ASS1: variants seen among roughly 807,000 people sequenced by gnomAD.
The protein encoded by ASS1 is argininosuccinate synthase 1.
ASS1 carries 58 observed loss-of-function variants against 60.5 expected under a neutral mutation model. The observed-to-expected ratio is 0.96, with a 90% CI of 0.78 to 1.19. ASS1 has a LOEUF of 1.19. Among genes scored for constraint, ASS1 ranks in the 50% most tolerant of loss-of-function variants. The pLI, the probability that ASS1 is intolerant of heterozygous loss-of-function variation, is 0.00. For synonymous variants in ASS1, 200 were observed against 206.9 expected (o/e 0.97, Z 0.29); for missense variants, 454 against 547.3 (o/e 0.83, Z 1.70).
rs552695506 is a variant in ASS1, at chr9:130,459,428, T to G, written c.363+839T>G. On this transcript the variant is annotated intron_variant, in intron 4 of 14. Coordinates refer to ENST00000352480, the MANE Select transcript of ASS1 (RefSeq NM_054012.4). This position sits in a 1 kb window ranked among gnomAD's most constrained non-coding sequence, Gnocchi z 4.6. ...GACCTCATCTTAACTTGGTTACTTTTTGTGTGTGTGTGTGGGGGAGAGGGA... is the reference window on the plus strand; with the variant it reads ...GACCTCATCTTAACTTGGTTACTTTGTGTGTGTGTGTGTGGGGGAGAGGGA... 4.6e-5 allele frequency among the ~76,000 whole-genome samples: 7 copies of G among 151,802 alleles called. No individual in the cohort carries two copies. The South Asian group carries it at 1.3e-3, about 27-fold the overall frequency.
intron 8 of ASS1, among the ~76,000 whole-genome samples, chr9:130,475,666 T>C (rs1845994328): frequency 6.6e-6 from 1 of 152,092 alleles, no homozygotes; most frequent in African/African-American, 2.4e-5. Flanking sequence ...GTAAGAGCGC[T>C]TGACCTTCTT....
chr9:130,464,822 G>A (rs1220049096), intron 5 of ASS1, among the ~76,000 whole-genome samples: 4 of 151,882 alleles, frequency 2.6e-5, no homozygotes, highest in Non-Finnish European at 4.4e-5. Flanking sequence ...TGATGGACAC[G>A]TTCCTTCCTT....
intron 4 of ASS1, among the ~76,000 whole-genome samples, 156 bp downstream of exon 4, chr9:130,458,745 A>G (rs193028939): frequency 6.6e-6 from 1 of 152,356 alleles, no homozygotes. Flanking sequence ...GAGAGGGGTA[A>G]CAGCTCGCCC....
intron 14 of ASS1, 45 bp from the exon 15 acceptor site, chr9:130,500,931 T>C: frequency 6.3e-7 from 1 of 1,591,690 alleles, no homozygotes; most frequent in South Asian, 1.1e-5. Context: ...GTGTGTGTTG[T>C]TATTGTTAAT....
chr9:130,479,428 G>T (rs1490064909), intron 9 of ASS1, among the ~76,000 whole-genome samples: 1 of 152,166 alleles, frequency 6.6e-6, no homozygotes, highest in African/African-American at 2.4e-5. Context: ...TTAGTTCAGG[G>T]CCTGGTTCCA....
chr9:130,492,572 GAGTGGCAA>G (rs1228594123), intron 12 of ASS1, among the ~76,000 whole-genome samples: 1 of 152,164 alleles, frequency 6.6e-6, no homozygotes, highest in Non-Finnish European at 1.5e-5. Context: ...CTGTCTCCAG[GAGTGGCAA>G]CCAGGGTTAG....
rs551393780 is a variant in ASS1 at position 130,471,532 on chromosome 9, C to T, written c.597+17C>T. The T allele has an allele frequency of 1.4e-5, 22 of 1,612,088 alleles. No individual in the cohort carries two copies. The highest frequency in any genetic ancestry group is 1.7e-4 in the Middle Eastern group (1 of 6,056). On this transcript the variant is annotated intron_variant, in intron 8 of 14. Transcript: ENST00000352480. ...AACCCCAAGGTAATCCCCCAAACCC[C>T]ATCTCCTCCCAGCTGGCCACCTTTG...
At chr9:130,471,651 C>A in intron 8 of ASS1, 136 bp downstream of exon 8, 1 of 1,045,730 alleles carries the variant, frequency 9.6e-7, no homozygotes, top group Non-Finnish European at 1.4e-6. Context: ...CCGAGCCCTG[C>A]CTGTGTTCCC....
chr9:130,470,323 T>C lies in ASS1; in HGVS notation c.496-511T>C, dbSNP rs535074371. Among the ~76,000 whole-genome samples the C allele has an allele frequency of 3.3e-4, 51 of 152,306 alleles. No individual in the cohort carries two copies. Among genetic ancestry groups the C allele is most frequent in the African/African-American group, 1.1e-3 (47 of 41,572 alleles). ...GGGTCTGCAGAGTGATGTGTGTGGC[T>C]GTTGCGCCAGGCCCAGGGAGGGGTG... is the stretch of plus-strand genomic sequence containing the variant. On this transcript the variant is annotated intron_variant, in intron 6 of 14. Coordinates refer to ENST00000352480, the MANE Select transcript of ASS1 (RefSeq NM_054012.4). This position sits in a 1 kb window ranked among gnomAD's most constrained non-coding sequence, Gnocchi z 4.3.
intron 11 of ASS1, among the ~76,000 whole-genome samples, chr9:130,482,588 A>G (rs1164432761): frequency 6.6e-6 from 1 of 152,014 alleles, no homozygotes; most frequent in Non-Finnish European, 1.5e-5. Context: ...GGGTGGGGCG[A>G]GTCAAGCAGA....
At chr9:130,495,873 G>T (rs1012898424) in intron 13 of ASS1, among the ~76,000 whole-genome samples, 4 of 152,142 alleles carry the variant, frequency 2.6e-5, no homozygotes, top group African/African-American at 9.7e-5. Context: ...TGGTGTCTGG[G>T]GTCGTGAGCA....
chr9:130,460,655 T>C (rs1472341217), intron 4 of ASS1, among the ~76,000 whole-genome samples: 1 of 152,134 alleles, frequency 6.6e-6, no homozygotes, highest in African/African-American at 2.4e-5. Context: ...GAGCAGGAGC[T>C]ATTGCTGTGG....
chr9:130,500,163 G>A (rs1846715300), intron 14 of ASS1, among the ~76,000 whole-genome samples: 1 of 152,186 alleles, frequency 6.6e-6, no homozygotes, highest in African/African-American at 2.4e-5. Flanking sequence ...CATGCAGGAA[G>A]AGCCAGGGGC....
chr9:130,487,490 C>T (rs1010104265), intron 11 of ASS1, among the ~76,000 whole-genome samples: 2 of 151,862 alleles, frequency 1.3e-5, no homozygotes, highest in Non-Finnish European at 2.9e-5. Context: ...CGCTCAACGG[C>T]ATTAGGTCCT....
rs555342550 is a variant in ASS1, at chr9:130,470,328, C to T, written c.496-506C>T. Among the ~76,000 whole-genome samples the T allele has an allele frequency of 3.3e-5, 5 of 152,272 alleles. No individual in the cohort carries two copies. Among genetic ancestry groups the T allele is most frequent in the Non-Finnish European group, 7.4e-5 (5 of 68,022 alleles). On this transcript the variant is annotated intron_variant, in intron 6 of 14. Coordinates refer to ENST00000352480, the MANE Select transcript of ASS1 (RefSeq NM_054012.4). This position sits in a 1 kb window ranked among gnomAD's most constrained non-coding sequence, Gnocchi z 4.3. ...TGCAGAGTGATGTGTGTGGCTGTTG[C>T]GCCAGGCCCAGGGAGGGGTGCCCCC... is the stretch of plus-strand genomic sequence containing the variant.
chr9:130,453,291 A>T (rs1845366456), intron 2 of ASS1, among the ~76,000 whole-genome samples: 1 of 152,250 alleles, frequency 6.6e-6, no homozygotes, highest in African/African-American at 2.4e-5. Context: ...ATCCCTGTGG[A>T]ATGGGGTCCA....
chr9:130,456,326 C>T (rs1429699997), intron 3 of ASS1, among the ~76,000 whole-genome samples: 3 of 151,844 alleles, frequency 2.0e-5, no homozygotes, highest in Non-Finnish European at 2.9e-5. Flanking sequence ...ATTAGCTGGG[C>T]GCGATGGTGG....
rs1280780238 is a variant in ASS1 at position 130,478,433 on chromosome 9, C to T, written c.689-1283C>T. ...GGCTCTGGCAGCCCTGCCCGAGGAC[C>T]AGGGCAGCTCCGCAGGCTGAGCTGG... On this transcript the variant is annotated intron_variant, in intron 9 of 14. Transcript: ENST00000352480. The surrounding 1 kb of genome is among the most constrained non-coding windows in gnomAD (Gnocchi z 4.7). Among the ~76,000 whole-genome samples, 1 of 152,142 alleles carries T rather than the reference C, an allele frequency of 6.6e-6. No homozygotes were observed. Among genetic ancestry groups the T allele is most frequent in the Non-Finnish European group, 1.5e-5 (1 of 68,020 alleles).
At chr9:130,483,764 C>CCTCCTCCCTCTCTCCCTTTT (rs1846230591) in intron 11 of ASS1, among the ~76,000 whole-genome samples, 1 of 151,332 alleles carries the variant, frequency 6.6e-6, no homozygotes, top group Non-Finnish European at 1.5e-5. Context: ...GCCTTCCTTT[C>CCTCCTCCCTCTCTCCCTTTT]CTCCTCCCTC....
Sources: allele counts gnomAD v4.1 joint callset (sites outside exome capture counted in the v4.1 genomes callset), GRCh38; gene constraint gnomAD v4.1.1; non-coding constraint Gnocchi (gnomAD v3.1); transcripts MANE v1.5; gene names NCBI Gene and HGNC (gene_info 2026-07-23, HGNC 2026-07-21).